Variants in MAP3K4 observed in about 807,000 individuals in gnomAD.
MAP3K4 encodes the protein MAP three kinase 1.
A neutral mutation model predicts 185.6 loss-of-function variants in MAP3K4; 67 were observed. That is an observed-to-expected ratio of 0.36 (90% CI 0.30 to 0.44). The LOEUF is 0.44. MAP3K4 is among the 20% of genes least tolerant of loss of function. The pLI, the probability that MAP3K4 is intolerant of heterozygous loss-of-function variation, is 1.00. For synonymous variants in MAP3K4, 702 were observed against 710.4 expected (o/e 0.99, Z 0.19); for missense variants, 1,551 against 1,995.1 (o/e 0.78, Z 4.24).
intron 1 of MAP3K4, among the ~76,000 whole-genome samples, chr6:161,001,220 A>C (rs1458223298): frequency 6.6e-6 from 1 of 150,706 alleles, no homozygotes; most frequent in Non-Finnish European, 1.5e-5. Flanking sequence ...TTTACAAAAA[A>C]TATTTACAAA....
In MAP3K4 at chr6:161,107,632, C is replaced by T. The variant is rs542863558; in HGVS notation, c.4049-267C>T. On this transcript the variant is annotated intron_variant, in intron 20 of 26. Coordinates refer to ENST00000392142, the MANE Select transcript of MAP3K4 (RefSeq NM_005922.4). This position sits in a 1 kb window ranked among gnomAD's most constrained non-coding sequence, Gnocchi z 6.2. ...CAAGGCTGCTTTTATTGGTCATTTT[C>T]ATGCTTCTCCTGGAATTTACCAAAG... is the stretch of plus-strand genomic sequence containing the variant. Among the ~76,000 whole-genome samples, 40 of 152,254 alleles carry T rather than the reference C, an allele frequency of 2.6e-4. No homozygotes were observed. The highest frequency in any genetic ancestry group is 9.4e-4 in the African/African-American group (39 of 41,550).
Position 161,097,781 on chromosome 6 carries a change from G to GTTT in MAP3K4, c.3525-489_3525-487dup, listed in dbSNP as rs11458275. Among the ~76,000 whole-genome samples the GTTT allele has an allele frequency of 6.7e-6, 1 of 150,022 alleles. No individual in the cohort carries two copies. Reference sequence around the variant, plus strand: ...TGCTAGATAAGGACCACAGTTTTTTGTTTTTTTTTTAAAGCTTTGAGGGGA... The same window carrying GTTT: ...TGCTAGATAAGGACCACAGTTTTTTGTTTTTTTTTTTTTAAAGCTTTGAGGGGA... On this transcript the variant is annotated intron_variant, in intron 16 of 26. Transcript: ENST00000392142. The surrounding 1 kb of genome is among the most constrained non-coding windows in gnomAD (Gnocchi z 4.9).
chr6:161,086,788 AC>A lies in MAP3K4; in HGVS notation c.2556+125del. On this transcript the variant is annotated intron_variant, in intron 9 of 26. Transcript: ENST00000392142. This position sits in a 1 kb window ranked among gnomAD's most constrained non-coding sequence, Gnocchi z 4.8. Reference sequence around the variant, plus strand: ...TACAGGCTCTGAAGGCTGTACCACAACCCCAGTTGTAAGACTGTCCTGTAAT... The same window carrying A: ...TACAGGCTCTGAAGGCTGTACCACAACCCAGTTGTAAGACTGTCCTGTAAT... 1.4e-6 allele frequency: 1 copy of A among 691,810 alleles called. No individual in the cohort carries two copies. The allele number at this position is 691,810 out of a possible 1,614,324, so 42.9% of individuals were successfully genotyped here.
Position 161,087,907 on chromosome 6 carries a change from A to G in MAP3K4, c.2776A>G (p.Lys926Glu). ...GGGCACCTGGGAGGCACAGCCTGTC[A>G]AAGTCGTGCCTCAGGTGGAGACTGT... The part of the protein sequence containing the change: ...SWGTWEAQPV[K>E]VVPQVETVDT... The change falls in exon 10 of 27, where the codon AAA becomes GAA. Residue 926 changes from lysine to glutamate, a missense_variant. By Grantham distance (56) the Lys-to-Glu change is moderately conservative. Transcript: ENST00000392142. The surrounding 1 kb of genome is among the most constrained non-coding windows in gnomAD (Gnocchi z 4.9). 6.2e-7 allele frequency: 1 copy of G among 1,614,102 alleles called. No homozygotes were observed. The highest frequency in any genetic ancestry group is 8.5e-7 in the Non-Finnish European group (1 of 1,180,006).
At chr6:161,062,178 C>T (rs993287966) in intron 3 of MAP3K4, among the ~76,000 whole-genome samples, 3 of 152,220 alleles carry the variant, frequency 2.0e-5, no homozygotes, top group African/African-American at 7.2e-5. Flanking sequence ...CTGCTTGTTC[C>T]CAACTTTGAG....
Position 161,098,263 on chromosome 6 carries a change from T to C in MAP3K4, c.3525-15T>C, listed in dbSNP as rs1183197133. 1 of 1,606,552 alleles carries C rather than the reference T, an allele frequency of 6.2e-7. No individual in the cohort carries two copies. Among genetic ancestry groups the C allele is most frequent in the South Asian group, 1.1e-5 (1 of 90,454 alleles). On this transcript the variant is annotated splice_polypyrimidine_tract_variant and intron_variant, in intron 16 of 26. Transcript: ENST00000392142. This position sits in a 1 kb window ranked among gnomAD's most constrained non-coding sequence, Gnocchi z 4.4. ...CTTCTCACATGTGTTCCTGAAGCTT[T>C]TCTTCTTGTCTTAGCACTCGGAGCA...
intron 1 of MAP3K4, among the ~76,000 whole-genome samples, chr6:161,015,885 G>C (rs1295751276): frequency 2.6e-5 from 4 of 152,100 alleles, no homozygotes; most frequent in Admixed American, 2.6e-4. Flanking sequence ...TTCATCATGA[G>C]GTTTGGGCGC....
chr6:161,062,783 C>G lies in MAP3K4; in HGVS notation c.1708-7825C>G, dbSNP rs1444557901. Among the ~76,000 whole-genome samples, 39 of 152,164 alleles carry G rather than the reference C, an allele frequency of 2.6e-4. 1 individual carries two copies. The highest frequency in any genetic ancestry group is 2.5e-3 in the Admixed American group (38 of 15,288). ...TGCTGAATACCTAAAGGATTTTTTT[C>G]TTTAAACTCTACTAGTTTTACAGTG... On this transcript the variant is annotated intron_variant, in intron 3 of 26. Transcript: ENST00000392142.
rs1196412090 is a variant in MAP3K4 at position 161,103,605 on chromosome 6, C to T, written c.3856+826C>T. ...GAGAAACTGGAGAGTGAGGGGAGAT[C>T]AGATCATGGACAGCCATCAGTGACT... On this transcript the variant is annotated intron_variant, in intron 19 of 26. Transcript: ENST00000392142. This position sits in a 1 kb window ranked among gnomAD's most constrained non-coding sequence, Gnocchi z 4.6. Among the ~76,000 whole-genome samples the T allele has an allele frequency of 2.0e-5, 3 of 152,142 alleles. No individual in the cohort carries two copies. The East Asian group carries it at 5.8e-4, about 29-fold the overall frequency.
At position 161,034,385 on chromosome 6, in the gene MAP3K4, A is replaced by G; in HGVS notation, c.279A>G (p.Lys93=). Residue 93 remains lysine (K), a synonymous_variant, in exon 2 of 27, where the codon AAA becomes AAG. Coordinates refer to ENST00000392142, the MANE Select transcript of MAP3K4 (RefSeq NM_005922.4). This position sits in a 1 kb window ranked among gnomAD's most constrained non-coding sequence, Gnocchi z 4.4. ...CCCCCAGCACACCTCGACAGATGAA[A>G]CGCATGTCAACCAAACATCAGAGGA... is the stretch of plus-strand genomic sequence containing the variant. ...TSPPSTPRQM[K]RMSTKHQRNN... The G allele has an allele frequency of 6.2e-7, 1 of 1,613,962 alleles. No individual in the cohort carries two copies. Among genetic ancestry groups the G allele is most frequent in the Non-Finnish European group, 8.5e-7 (1 of 1,179,898 alleles).
rs73784708 is a variant in MAP3K4, at chr6:161,010,071, G to A, written c.152+17988G>A. Among the ~76,000 whole-genome samples the A allele has an allele frequency of 6.6e-3, 1,006 of 152,240 alleles. 10 individuals carry two copies. The highest frequency in any genetic ancestry group is 0.065 in the Middle Eastern group (19 of 294). Reference sequence around the variant, plus strand: ...GTTTTAAATTCTTGCATTTTAAATCGTGAGGTTGAATGCTGTTTTATGTCA... The same window carrying A: ...GTTTTAAATTCTTGCATTTTAAATCATGAGGTTGAATGCTGTTTTATGTCA... On this transcript the variant is annotated intron_variant, in intron 1 of 26. Coordinates refer to ENST00000392142, the MANE Select transcript of MAP3K4 (RefSeq NM_005922.4).
intron 25 of MAP3K4, among the ~76,000 whole-genome samples, chr6:161,113,790 C>CTTTTTTTTTTTTTTT (rs963260228): frequency 2.8e-5 from 2 of 71,076 alleles, no homozygotes; most frequent in Non-Finnish European, 4.9e-5. Flanking sequence ...ATATGAGTGA[C>CTTTTTTTTTTTTTTT]TTTTTTTTTT....
chr6:161,108,999 A>T lies in MAP3K4; in HGVS notation c.4236+140A>T. ...TCAGGAAATCTCCATGAGTTACATC[A>T]TTTCTGCCTTCTCTCTGAAACTAGA... On this transcript the variant is annotated intron_variant, in intron 22 of 26. Coordinates refer to ENST00000392142, the MANE Select transcript of MAP3K4 (RefSeq NM_005922.4). The surrounding 1 kb of genome is among the most constrained non-coding windows in gnomAD (Gnocchi z 5.7). The T allele has an allele frequency of 1.9e-6, 3 of 1,597,212 alleles. No individual in the cohort carries two copies. The highest frequency in any genetic ancestry group is 2.6e-6 in the Non-Finnish European group (3 of 1,174,822).
At chr6:161,021,783 G>A (rs983061294) in intron 1 of MAP3K4, among the ~76,000 whole-genome samples, 2 of 152,180 alleles carry the variant, frequency 1.3e-5, no homozygotes, top group Non-Finnish European at 2.9e-5. Context: ...GTCTGGTGGG[G>A]TCATTGTTGA....
Position 161,070,949 on chromosome 6 carries a change from C to G in MAP3K4, c.1950+99C>G, listed in dbSNP as rs147164629. 1 of 1,126,984 alleles carries G rather than the reference C, an allele frequency of 8.9e-7. No individual in the cohort carries two copies. The highest frequency in any genetic ancestry group is 1.6e-5 in the African/African-American group (1 of 63,122). The allele number at this position is 1,126,984 out of a possible 1,614,324, so 69.8% of individuals were successfully genotyped here. On this transcript the variant is annotated intron_variant, in intron 4 of 26. Transcript: ENST00000392142. The surrounding 1 kb of genome is among the most constrained non-coding windows in gnomAD (Gnocchi z 4.5). Reference sequence around the variant, plus strand: ...GAGTTCCTTTTTTTTTCTTAATTGTCGCAAATAGTGAAAAATGACTGTTTG... The same window carrying G: ...GAGTTCCTTTTTTTTTCTTAATTGTGGCAAATAGTGAAAAATGACTGTTTG...
At position 161,048,807 on chromosome 6, in the gene MAP3K4, A is replaced by T; in HGVS notation, c.535A>T (p.Ile179Phe). 2 of 1,614,170 alleles carry T rather than the reference A, an allele frequency of 1.2e-6. No homozygotes were observed. The highest frequency in any genetic ancestry group is 2.2e-5 in the South Asian group (2 of 91,082). The change falls in exon 3 of 27, where the codon ATT becomes TTT. Residue 179 changes from isoleucine to phenylalanine, a missense_variant. Coordinates refer to ENST00000392142, the MANE Select transcript of MAP3K4 (RefSeq NM_005922.4). This position sits in a 1 kb window ranked among gnomAD's most constrained non-coding sequence, Gnocchi z 4.7. ...SVGGSLPKKS[I>F]PDVDLNKPYL... ...GGGTGGATCTTTGCCAAAAAAATCAATTCCAGATGTGGATCTCAATAAGCC... is the reference window on the plus strand; with the variant it reads ...GGGTGGATCTTTGCCAAAAAAATCATTTCCAGATGTGGATCTCAATAAGCC...
Position 161,097,232 on chromosome 6 carries a change from T to C in MAP3K4, c.3524+56T>C. 1 of 1,451,612 alleles carries C rather than the reference T, an allele frequency of 6.9e-7. No individual in the cohort carries two copies. The highest frequency in any genetic ancestry group is 9.7e-7 in the Non-Finnish European group (1 of 1,033,416). The allele number at this position is 1,451,612 out of a possible 1,614,324, so 89.9% of individuals were successfully genotyped here. A position where few individuals can be genotyped will look rare whatever the true frequency, so the allele number is the denominator to read the frequency against. ...ACAGAGTGCCCTCCGATATGCATGC[T>C]CATACTTTTGAAACTACTAGATGCT... On this transcript the variant is annotated intron_variant, in intron 16 of 26. Transcript: ENST00000392142. The surrounding 1 kb of genome is among the most constrained non-coding windows in gnomAD (Gnocchi z 4.9).
chr6:161,107,597 A>G lies in MAP3K4; in HGVS notation c.4049-302A>G, dbSNP rs1778142396. ...CTCCTTGAGGGGTGTGAGGGCTCAG[A>G]GGTGTGCACCAAGGCTGCTTTTATT... On this transcript the variant is annotated intron_variant, in intron 20 of 26. Transcript: ENST00000392142. The surrounding 1 kb of genome is among the most constrained non-coding windows in gnomAD (Gnocchi z 6.2). Among the ~76,000 whole-genome samples the G allele has an allele frequency of 6.6e-6, 1 of 152,124 alleles. No individual in the cohort carries two copies.
At chr6:161,041,144 T>C (rs1197388363) in intron 2 of MAP3K4, among the ~76,000 whole-genome samples, 1 of 152,160 alleles carries the variant, frequency 6.6e-6, no homozygotes, top group Non-Finnish European at 1.5e-5. Flanking sequence ...GCCTGGTGGC[T>C]TCCAGCCCAA....
Sources: gnomAD v4.1 joint callset for allele counts (sites outside exome capture counted in the v4.1 genomes callset) on GRCh38, gnomAD v4.1.1 for gene constraint, Gnocchi (gnomAD v3.1) non-coding constraint, MANE v1.5 for transcripts, NCBI Gene and HGNC (gene_info 2026-07-23, HGNC 2026-07-21) for gene names.